The following POC1A variants were observed in gnomAD, a reference collection of about 807,000 sequenced individuals.
POC1A encodes POC1 centriolar protein A.
In POC1A, 34 loss-of-function variants were observed where a neutral mutation model predicts 47.8. The observed-to-expected ratio is 0.71, with a 90% CI of 0.54 to 0.95. POC1A has a LOEUF of 0.95. POC1A is among the 40% of genes least tolerant of loss of function. POC1A has a pLI of 0.00. For synonymous variants in POC1A, 177 were observed against 207.6 expected (o/e 0.85, Z 1.27); for missense variants, 466 against 528.3 (o/e 0.88, Z 1.16).
intron 9 of POC1A, among the ~76,000 whole-genome samples, chr3:52,107,538 C>T (rs935752224): frequency 5.9e-5 from 9 of 152,212 alleles, no homozygotes; most frequent in Admixed American, 5.2e-4. Flanking sequence ...TTCAGTTCAG[C>T]TCCACGTACA....
At position 52,092,637 on chromosome 3, in the gene POC1A, C is replaced by T. The variant is rs1222995146; in HGVS notation, c.1125+3932G>A. Among the ~76,000 whole-genome samples, 7 of 152,320 alleles carry T rather than the reference C, an allele frequency of 4.6e-5. No homozygotes were observed. In the South Asian group the frequency reaches 1.5e-3, roughly 32 times the overall value. ...AACTATGATGAGTATGTGATCCCCACACTCTGAGGACTTTTCATCTAAAAC... is the reference window on the plus strand; with the variant it reads ...AACTATGATGAGTATGTGATCCCCATACTCTGAGGACTTTTCATCTAAAAC... On this transcript the variant is annotated intron_variant, in intron 10 of 10. Coordinates refer to ENST00000296484, the MANE Select transcript of POC1A (RefSeq NM_015426.5).
intron 9 of POC1A, among the ~76,000 whole-genome samples, chr3:52,098,970 T>G (rs1486885454): frequency 2.0e-5 from 3 of 152,170 alleles, no homozygotes; most frequent in Non-Finnish European, 4.4e-5. Flanking sequence ...AGAATTGGGA[T>G]CTGAACCCAA....
At chr3:52,101,383 A>G (rs1221984930) in intron 9 of POC1A, among the ~76,000 whole-genome samples, 1 of 26,712 alleles carries the variant, frequency 3.7e-5, no homozygotes, top group East Asian at 1.0e-3. Context: ...ATGAGACACA[A>G]AAAGGCAGGG....
chr3:52,145,450 G>C (rs752016496), intron 6 of POC1A, among the ~76,000 whole-genome samples: 3 of 152,198 alleles, frequency 2.0e-5, no homozygotes, highest in Non-Finnish European at 4.4e-5. Context: ...ACAGGTCAAG[G>C]GCTGTCACCT....
At chr3:52,130,134 C>G (rs960697514) in intron 7 of POC1A, among the ~76,000 whole-genome samples, 1 of 152,232 alleles carries the variant, frequency 6.6e-6, no homozygotes, top group Non-Finnish European at 1.5e-5. Flanking sequence ...CCACCACCAC[C>G]TCTCACGCGT....
At chr3:52,108,019 T>G (rs560174499) in intron 9 of POC1A, among the ~76,000 whole-genome samples, 2 of 152,222 alleles carry the variant, frequency 1.3e-5, no homozygotes, top group African/African-American at 2.4e-5. Context: ...TTCATGACCT[T>G]GACACTTCTG....
At chr3:52,104,108 A>G (rs1456428683) in intron 9 of POC1A, among the ~76,000 whole-genome samples, 2 of 152,244 alleles carry the variant, frequency 1.3e-5, no homozygotes, top group African/African-American at 4.8e-5. Context: ...CCAACAGAAC[A>G]AAACTGTGGT....
chr3:52,088,517 C>T (rs1350102736), intron 10 of POC1A, among the ~76,000 whole-genome samples: 1 of 152,148 alleles, frequency 6.6e-6, no homozygotes, highest in East Asian at 1.9e-4. Context: ...AAGCAGCAGG[C>T]CCAACTACAG....
chr3:52,122,557 G>T lies in POC1A; in HGVS notation c.883-80C>A, dbSNP rs144309339. 116 of 895,940 alleles carry T rather than the reference G, an allele frequency of 1.3e-4. 1 individual carries two copies. The highest frequency in any genetic ancestry group is 6.4e-4 in the Middle Eastern group (3 of 4,654). The allele number at this position is 895,940 out of a possible 1,614,324, so 55.5% of individuals were successfully genotyped here. ...CTTCACTGAGGAAATGGGCTCAGAG[G>T]CCATGCCCAAAGTTCTGAGCCATGG... is the stretch of plus-strand genomic sequence containing the variant. On this transcript the variant is annotated intron_variant, in intron 8 of 10. Coordinates refer to ENST00000296484, the MANE Select transcript of POC1A (RefSeq NM_015426.5).
intron 10 of POC1A, among the ~76,000 whole-genome samples, chr3:52,083,392 A>G (rs373516544): frequency 6.6e-6 from 1 of 152,116 alleles, no homozygotes; most frequent in East Asian, 1.9e-4. Flanking sequence ...GGAGTGACGT[A>G]CAGTCCCTCA....
chr3:52,116,474 G>A (rs1703568453), intron 9 of POC1A, among the ~76,000 whole-genome samples: 1 of 152,192 alleles, frequency 6.6e-6, no homozygotes, highest in South Asian at 2.1e-4. Flanking sequence ...GAGGAATCCT[G>A]TGGCAGAAGG....
intron 8 of POC1A, 38 bp from the exon 9 acceptor site, chr3:52,122,515 AAATCCC>A (rs778052762): frequency 7.8e-7 from 1 of 1,275,362 alleles, no homozygotes; most frequent in Admixed American, 1.7e-5. Context: ...CAGGAGAAGA[AAATCCC>A]CTTGCCAGTC....
In POC1A at chr3:52,096,723, A is replaced by G; in HGVS notation, c.982-11T>C. Reference sequence around the variant, plus strand: ...GAAGTCCACTTCTGGCTAAAGACAGAAAGAAAAAAGTTCCTCAGTCTATCC... The same window carrying G: ...GAAGTCCACTTCTGGCTAAAGACAGGAAGAAAAAAGTTCCTCAGTCTATCC... On this transcript the variant is annotated splice_polypyrimidine_tract_variant and intron_variant, in intron 9 of 10. Coordinates refer to ENST00000296484, the MANE Select transcript of POC1A (RefSeq NM_015426.5). 1.3e-6 allele frequency: 2 copies of G among 1,569,058 alleles called. No homozygotes were observed. Among genetic ancestry groups the G allele is most frequent in the South Asian group, 2.4e-5 (2 of 84,736 alleles).
At chr3:52,125,901 G>A (rs1367026640) in intron 7 of POC1A, among the ~76,000 whole-genome samples, 1 of 152,184 alleles carries the variant, frequency 6.6e-6, no homozygotes, top group Admixed American at 6.5e-5. Context: ...AGCAGTCCAG[G>A]GCGGGGGAGA....
At chr3:52,133,045 C>CAA (rs879445969) in intron 7 of POC1A, among the ~76,000 whole-genome samples, 1 of 136,050 alleles carries the variant, frequency 7.4e-6, no homozygotes. Context: ...GACTCCATCT[C>CAA]AAAAAAAAAA....
intron 6 of POC1A, among the ~76,000 whole-genome samples, chr3:52,144,697 G>C (rs1559850371): frequency 2.0e-5 from 3 of 152,158 alleles, no homozygotes; most frequent in African/African-American, 7.2e-5. Flanking sequence ...CAAATGACCT[G>C]CCCAATATCA....
At chr3:52,142,620 C>G (rs773400764) in intron 6 of POC1A, among the ~76,000 whole-genome samples, 10 of 152,202 alleles carry the variant, frequency 6.6e-5, no homozygotes, top group Admixed American at 6.5e-5. Flanking sequence ...CATCAGCGTC[C>G]AACACCCGAA....
intron 1 of POC1A, among the ~76,000 whole-genome samples, chr3:52,151,610 CAAAAAAAAAAAAAA>C (rs575884047): frequency 1.1e-4 from 6 of 55,834 alleles, no homozygotes; most frequent in Non-Finnish European, 2.0e-4. Context: ...GACTCCGTCT[CAAAAAAAAAAAAAA>C]AAAAAGGAAT....
intron 9 of POC1A, among the ~76,000 whole-genome samples, chr3:52,107,520 G>A (rs1342242254): frequency 2.0e-5 from 3 of 152,174 alleles, no homozygotes; most frequent in African/African-American, 4.8e-5. Context: ...CCTTGAGGGC[G>A]GCTCTGGTTC....
Sources: allele counts gnomAD v4.1 joint callset (sites outside exome capture counted in the v4.1 genomes callset), GRCh38; gene constraint gnomAD v4.1.1; transcripts MANE v1.5; gene names NCBI Gene and HGNC (gene_info 2026-07-23, HGNC 2026-07-21).